The following CACNA2D3 variants were observed in gnomAD, a reference collection of about 807,000 sequenced individuals.
CACNA2D3 encodes calcium voltage-gated channel auxiliary subunit alpha2delta 3, also known as voltage-dependent calcium channel subunit alpha-2/delta-3.
A neutral mutation model predicts 160.6 loss-of-function variants in CACNA2D3; 60 were observed. That is an observed-to-expected ratio of 0.37 (90% CI 0.30 to 0.46). CACNA2D3 has a LOEUF of 0.46. CACNA2D3 is among the 20% of genes least tolerant of loss of function. CACNA2D3 has a pLI of 1.00. For synonymous variants in CACNA2D3, 558 were observed against 492.9 expected (o/e 1.13, Z -1.75); for missense variants, 1,205 against 1,365.0 (o/e 0.88, Z 1.85).
intron 2 of CACNA2D3, among the ~76,000 whole-genome samples, chr3:54,138,570 G>T (rs1417002545): frequency 6.6e-6 from 1 of 152,176 alleles, no homozygotes; most frequent in Non-Finnish European, 1.5e-5. Context: ...CTGACCAGGG[G>T]TCATTGTTTT....
chr3:55,060,489 T>C (rs1447759320), intron 35 of CACNA2D3, among the ~76,000 whole-genome samples: 1 of 152,188 alleles, frequency 6.6e-6, no homozygotes, highest in Non-Finnish European at 1.5e-5. Context: ...TTTTAGGATT[T>C]GGGAAAGTTG....
chr3:54,305,774 C>G (rs1237115607), intron 2 of CACNA2D3, among the ~76,000 whole-genome samples: 5 of 152,216 alleles, frequency 3.3e-5, no homozygotes, highest in African/African-American at 1.2e-4. Context: ...AAAATGACAT[C>G]TTTTACTTTC....
At chr3:54,228,617 C>T (rs544584228) in intron 2 of CACNA2D3, among the ~76,000 whole-genome samples, 5 of 152,176 alleles carry the variant, frequency 3.3e-5, no homozygotes, top group Non-Finnish European at 5.9e-5. Flanking sequence ...GAAGTCAGAA[C>T]CCTGAGAACA....
At chr3:54,925,193 A>G (rs1189248658) in intron 27 of CACNA2D3, 5 of 1,612,212 alleles carry the variant, frequency 3.1e-6, no homozygotes, top group Non-Finnish European at 4.2e-6. Context: ...GGACAATCAC[A>G]CTGGAAAACA....
intron 10 of CACNA2D3, chr3:54,632,253 T>C (rs1040109811): frequency 6.6e-6 from 1 of 152,250 alleles, no homozygotes; most frequent in Non-Finnish European, 1.5e-5. Context: ...CTGGCAGCTC[T>C]TTATTCTAGT....
chr3:54,610,454 G>A (rs1005391327), intron 9 of CACNA2D3, among the ~76,000 whole-genome samples: 1 of 145,548 alleles, frequency 6.9e-6, no homozygotes, highest in African/African-American at 2.6e-5. Flanking sequence ...TTTTTTTTAA[G>A]TCCGTTTCAA....
chr3:54,998,461 GTTC>G (rs1156622257), intron 31 of CACNA2D3, among the ~76,000 whole-genome samples: 1 of 152,080 alleles, frequency 6.6e-6, no homozygotes, highest in African/African-American at 2.4e-5. Flanking sequence ...TATGGTTACT[GTTC>G]TTCTTACCTG....
intron 4 of CACNA2D3, among the ~76,000 whole-genome samples, chr3:54,389,835 G>A (rs1699250552): frequency 1.3e-5 from 2 of 152,206 alleles, no homozygotes; most frequent in South Asian, 4.1e-4. Flanking sequence ...TACATGCAAT[G>A]TGTGATCCTG....
At chr3:54,727,724 G>T (rs1575444208) in intron 11 of CACNA2D3, among the ~76,000 whole-genome samples, 1 of 152,270 alleles carries the variant, frequency 6.6e-6, no homozygotes, top group African/African-American at 2.4e-5. Flanking sequence ...ACATGGGCAT[G>T]AGGAGGGGAA....
At chr3:54,515,353 T>C (rs1575498347) in intron 5 of CACNA2D3, among the ~76,000 whole-genome samples, 1 of 152,162 alleles carries the variant, frequency 6.6e-6, no homozygotes, top group Admixed American at 6.5e-5. Flanking sequence ...CATGTGCTGC[T>C]TTTTTAGTAA....
chr3:54,785,367 C>A (rs1047319827), intron 13 of CACNA2D3, among the ~76,000 whole-genome samples: 8 of 152,130 alleles, frequency 5.3e-5, no homozygotes, highest in African/African-American at 1.9e-4. Context: ...AAAAATCTGA[C>A]ATCCAGCCAT....
chr3:54,816,416 A>G lies in CACNA2D3; in HGVS notation c.1381-437A>G, dbSNP rs557792001. Reference sequence around the variant, plus strand: ...CTTGGCCTCTACCCTCTAGAGGCCAACAGCTCTCGCTCCCTTCCCTTTCAC... The same window carrying G: ...CTTGGCCTCTACCCTCTAGAGGCCAGCAGCTCTCGCTCCCTTCCCTTTCAC... On this transcript the variant is annotated intron_variant, in intron 13 of 37. Transcript: ENST00000474759. Among the ~76,000 whole-genome samples, 13 of 152,258 alleles carry G rather than the reference A, an allele frequency of 8.5e-5. No homozygotes were observed. The East Asian group carries it at 2.5e-3, about 29-fold the overall frequency.
At chr3:54,155,032 T>C (rs557241347) in intron 2 of CACNA2D3, among the ~76,000 whole-genome samples, 2 of 152,184 alleles carry the variant, frequency 1.3e-5, no homozygotes, top group African/African-American at 4.8e-5. Context: ...ATGGTAGAAA[T>C]AACTGCTATG....
chr3:54,134,807 A>T (rs780895421), intron 2 of CACNA2D3, among the ~76,000 whole-genome samples: 3 of 152,310 alleles, frequency 2.0e-5, no homozygotes, highest in Admixed American at 6.5e-5. Context: ...TCAGCACGCT[A>T]GAGGCATGCT....
chr3:55,033,684 T>C (rs1174092765), intron 35 of CACNA2D3, among the ~76,000 whole-genome samples: 3 of 93,112 alleles, frequency 3.2e-5, no homozygotes, highest in African/African-American at 7.0e-5. Context: ...TAAATGTGTA[T>C]ATATACCCTT....
intron 4 of CACNA2D3, among the ~76,000 whole-genome samples, chr3:54,480,381 C>A (rs145971486): frequency 6.6e-6 from 1 of 152,138 alleles, no homozygotes; most frequent in South Asian, 2.1e-4. Context: ...ATCTGCAGCC[C>A]CTCACCCTAC....
chr3:54,745,838 C>T (rs919778208), intron 11 of CACNA2D3, among the ~76,000 whole-genome samples: 2 of 151,908 alleles, frequency 1.3e-5, no homozygotes, highest in African/African-American at 2.4e-5. Context: ...CAATACCGCA[C>T]TTGAGGTATC....
At chr3:54,482,243 G>A (rs1312485749) in intron 4 of CACNA2D3, among the ~76,000 whole-genome samples, 1 of 152,158 alleles carries the variant, frequency 6.6e-6, no homozygotes, top group African/African-American at 2.4e-5. Flanking sequence ...TGAAATTTTT[G>A]TTGTTGTATT....
chr3:54,904,278 C>G (rs1700405939), intron 27 of CACNA2D3, among the ~76,000 whole-genome samples: 1 of 152,150 alleles, frequency 6.6e-6, no homozygotes, highest in African/African-American at 2.4e-5. Flanking sequence ...GCCCACTAGT[C>G]CAGCAGTCAT....
Sources: gnomAD v4.1 joint callset for allele counts (sites outside exome capture counted in the v4.1 genomes callset) on GRCh38, gnomAD v4.1.1 for gene constraint, MANE v1.5 for transcripts, NCBI Gene and HGNC (gene_info 2026-07-23, HGNC 2026-07-21) for gene names.